GAA: variants seen among roughly 807,000 people sequenced by gnomAD.
GAA encodes lysosomal alpha-glucosidase.
In GAA, 88 loss-of-function variants were observed where a neutral mutation model predicts 103.9. The ratio of observed to expected loss-of-function variants is 0.85; its 90% CI spans 0.71 to 1.01. The LOEUF is 1.01. Ranked by LOEUF, GAA falls within the 50% of genes least tolerant of loss-of-function variation. The pLI, the probability that GAA is intolerant of heterozygous loss-of-function variation, is 0.00. For missense variants in GAA, 1,350 were observed against 1,305.3 expected (o/e 1.03, Z -0.53); for synonymous variants, 572 against 563.1 (o/e 1.02, Z -0.22).
chr17:80,118,582 G>A (rs4889821), intron 18 of GAA, 71 bp from the exon 19 acceptor site: 4 of 1,573,778 alleles, frequency 2.5e-6, no homozygotes, highest in Admixed American at 1.7e-5. Flanking sequence ...GTTCTCATGG[G>A]TGTTCCTGCC....
intron 15 of GAA, among the ~76,000 whole-genome samples, chr17:80,113,967 G>A (rs1205212066): frequency 2.2e-4 from 33 of 150,670 alleles, no homozygotes; most frequent in Admixed American, 2.2e-3. Flanking sequence ...GCAGTGAGCC[G>A]AGATCGCGCC....
At chr17:80,112,552 C>T in intron 12 of GAA, 26 bp from the exon 13 acceptor site, 1 of 1,612,750 alleles carries the variant, frequency 6.2e-7, no homozygotes, top group Non-Finnish European at 8.5e-7. Context: ...TCCACACAGC[C>T]CTCACGGTGT....
At position 80,112,929 on chromosome 17, in the gene GAA, G is replaced by T; in HGVS notation, c.1942G>T (p.Gly648Cys). 1 of 1,610,602 alleles carries T rather than the reference G, an allele frequency of 6.2e-7. No homozygotes were observed. The highest frequency in any genetic ancestry group is 8.5e-7 in the Non-Finnish European group (1 of 1,178,964). Reference protein sequence around the residue: ...GVPLVGADVCGFLGNTSEELC... With the variant: ...GVPLVGADVCCFLGNTSEELC... ...GCCTCTGGTCGGGGCCGACGTCTGC[G>T]GCTTCCTGGGCAACACCTCAGAGGA... is the stretch of plus-strand genomic sequence containing the variant. Residue 648 changes from glycine to cysteine, a missense_variant, in exon 14 of 20, where the codon GGC becomes TGC. Coordinates refer to ENST00000302262, the MANE Select transcript of GAA (RefSeq NM_000152.5).
chr17:80,119,528 CT>C lies in GAA; in HGVS notation c.*200del, dbSNP rs371747706. ...CTGGCCCCCAACGTGTCTAGGAGAG[CT>C]TTCTCCCTAGATCGCACTGTGGGCC... On this transcript the variant is annotated 3_prime_UTR_variant, in exon 20 of 20. Coordinates refer to ENST00000302262, the MANE Select transcript of GAA (RefSeq NM_000152.5). 115 of 625,554 alleles carry C rather than the reference CT, an allele frequency of 1.8e-4. No individual in the cohort carries two copies. In the African/African-American group the frequency reaches 1.9e-3, roughly 11 times the overall value. 38.8% of individuals were successfully genotyped at this position (625,554 alleles called of 1,614,324 possible). A position where few individuals can be genotyped will look rare whatever the true frequency, so the allele number is the denominator to read the frequency against.
chr17:80,113,516 G>T, intron 15 of GAA, 150 bp downstream of exon 15: 1 of 726,734 alleles, frequency 1.4e-6, no homozygotes, highest in Non-Finnish European at 2.2e-6. Context: ...GGCTTAAGGG[G>T]GAAGGGCAGC....
At position 80,118,636 on chromosome 17, in the gene GAA, C is replaced by T; in HGVS notation, c.2647-17C>T. 6.2e-7 allele frequency: 1 copy of T among 1,611,310 alleles called. No homozygotes were observed. The highest frequency in any genetic ancestry group is 1.7e-5 in the Admixed American group (1 of 60,030). On this transcript the variant is annotated splice_polypyrimidine_tract_variant and intron_variant, in intron 18 of 19. Coordinates refer to ENST00000302262, the MANE Select transcript of GAA (RefSeq NM_000152.5). ...CTCCACATTCTCTGCCTTTTCATCTCTCTCTGCTCGGCCCAGAACACGATC... is the reference window on the plus strand; with the variant it reads ...CTCCACATTCTCTGCCTTTTCATCTTTCTCTGCTCGGCCCAGAACACGATC...
Position 80,104,502 on chromosome 17 carries a change from C to A in GAA, c.-32-53C>A. 1 of 1,333,578 alleles carries A rather than the reference C, an allele frequency of 7.5e-7. No individual in the cohort carries two copies. Among genetic ancestry groups the A allele is most frequent in the Non-Finnish European group, 1.0e-6 (1 of 983,170 alleles). The allele number at this position is 1,333,578 out of a possible 1,614,324, so 82.6% of individuals were successfully genotyped here. A position where few individuals can be genotyped will look rare whatever the true frequency, so the allele number is the denominator to read the frequency against. ...TGTCTCAGAGCTGCTTTGAGAGCCC[C>A]GTGAGTGCCGCCCCTCCCGCCTCCC... On this transcript the variant is annotated intron_variant, in intron 1 of 19. Transcript: ENST00000302262. The surrounding 1 kb of genome is among the most constrained non-coding windows in gnomAD (Gnocchi z 4.0).
At position 80,109,589 on chromosome 17, in the gene GAA, G is replaced by T. The variant is rs6565640; in HGVS notation, c.1327-356G>T. Among the ~76,000 whole-genome samples, 109,586 of 152,180 alleles carry T rather than the reference G, an allele frequency of 0.72. 39,766 individuals are homozygous for T. Among genetic ancestry groups the T allele is most frequent in the Middle Eastern group, 0.86 (253 of 294 alleles). On this transcript the variant is annotated intron_variant, in intron 8 of 19. Transcript: ENST00000302262. Reference sequence around the variant, plus strand: ...CCCTGCCTTCTGCAGGCAGCAAACAGTAGTAGCCCTTAAGAGCAGGAGTGG... The same window carrying T: ...CCCTGCCTTCTGCAGGCAGCAAACATTAGTAGCCCTTAAGAGCAGGAGTGG...
At chr17:80,111,510 C>T (rs924888568) in intron 11 of GAA, among the ~76,000 whole-genome samples, 6 of 152,156 alleles carry the variant, frequency 3.9e-5, no homozygotes, top group Non-Finnish European at 5.9e-5. Context: ...GACCAGACAT[C>T]GCCTGAGGGG....
In GAA at chr17:80,110,715, C is replaced by T. The variant is rs1177064482; in HGVS notation, c.1438-12C>T. ...GGGCCGGGTCTCCCCACTGCAGCCT[C>T]TCGTTGTCCAGGTATGGCCCGGGTC... is the stretch of plus-strand genomic sequence containing the variant. On this transcript the variant is annotated splice_polypyrimidine_tract_variant and intron_variant, in intron 9 of 19. Coordinates refer to ENST00000302262, the MANE Select transcript of GAA (RefSeq NM_000152.5). 1.2e-6 allele frequency: 2 copies of T among 1,613,080 alleles called. No homozygotes were observed. The highest frequency in any genetic ancestry group is 1.7e-6 in the Non-Finnish European group (2 of 1,179,424).
At chr17:80,116,436 G>T (rs376743409) in intron 15 of GAA, among the ~76,000 whole-genome samples, 4 of 152,204 alleles carry the variant, frequency 2.6e-5, no homozygotes, top group Admixed American at 6.5e-5. Flanking sequence ...CTGCACGTCC[G>T]GGGGCAGGAA....
chr17:80,117,477 C>T, intron 16 of GAA, 123 bp from the exon 17 acceptor site: 1 of 1,155,766 alleles, frequency 8.7e-7, no homozygotes, highest in Non-Finnish European at 1.3e-6. Flanking sequence ...CACAGTTCAG[C>T]CCGTCTGTGC....
Position 80,117,628 on chromosome 17 carries a change from C to T in GAA, c.2360C>T (p.Pro787Leu). Reference protein sequence around the residue: ...TVPVEALGSLPPPPAAPREPA... With the variant: ...TVPVEALGSLLPPPAAPREPA... ...CCAGTAGAGGCCCTTGGCAGCCTCC[C>T]ACCCCCACCTGCAGCTCCCCGTGAG... Residue 787 changes from proline (P) to leucine (L), a missense_variant, in exon 17 of 20, where the codon CCA becomes CTA. Coordinates refer to ENST00000302262, the MANE Select transcript of GAA (RefSeq NM_000152.5). The T allele has an allele frequency of 6.2e-7, 1 of 1,612,838 alleles. No homozygotes were observed. Among genetic ancestry groups the T allele is most frequent in the Non-Finnish European group, 8.5e-7 (1 of 1,179,918 alleles).
intron 5 of GAA, 118 bp downstream of exon 5, chr17:80,108,014 A>G (rs1438319669): frequency 9.0e-7 from 1 of 1,108,616 alleles, no homozygotes; most frequent in Non-Finnish European, 1.3e-6. Flanking sequence ...TTTTCTGGGA[A>G]ATGAGTCCTA....
At chr17:80,105,955 G>A in intron 3 of GAA, 61 bp downstream of exon 3, 1 of 1,539,164 alleles carries the variant, frequency 6.5e-7, no homozygotes. Flanking sequence ...TCACACGGCA[G>A]GGAGGGCCAC....
chr17:80,111,008 A>G lies in GAA; in HGVS notation c.1619A>G (p.Asn540Ser), dbSNP rs2039224662. ...GGCTGCCCCAACAATGAGCTGGAGA[A>G]CCCACCCTACGTGCCTGGTCAGCTC... The part of the protein sequence containing the change: ...EDGCPNNELE[N>S]PPYVPGVVGG... The change falls in exon 11 of 20, where the codon AAC becomes AGC. Residue 540 changes from asparagine to serine, a missense_variant. Asn to Ser is a conservative substitution (Grantham distance 46). Transcript: ENST00000302262. The G allele has an allele frequency of 1.2e-5, 20 of 1,613,820 alleles. No individual in the cohort carries two copies. Among genetic ancestry groups the G allele is most frequent in the Non-Finnish European group, 1.7e-5 (20 of 1,179,998 alleles).
Position 80,109,967 on chromosome 17 carries a change from G to T in GAA, c.1349G>T (p.Gly450Val), listed in dbSNP as rs2039191018. ...CAGGATCCTGCCATCAGCAGCTCGG[G>T]CCCTGCCGGGAGCTACAGGCCCTAC... is the stretch of plus-strand genomic sequence containing the variant. Reference protein sequence around the residue: ...MIVDPAISSSGPAGSYRPYDE... With the variant: ...MIVDPAISSSVPAGSYRPYDE... Residue 450 changes from glycine (G) to valine (V), a missense_variant, in exon 9 of 20, where the codon GGC (glycine) becomes GTC (valine). Gly to Val is a moderately radical substitution (Grantham distance 109, BLOSUM62 -3). Coordinates refer to ENST00000302262, the MANE Select transcript of GAA (RefSeq NM_000152.5). 6.2e-7 allele frequency: 1 copy of T among 1,613,352 alleles called. No homozygotes were observed. Among genetic ancestry groups the T allele is most frequent in the Non-Finnish European group, 8.5e-7 (1 of 1,179,908 alleles).
chr17:80,113,060 G>T, intron 14 of GAA, 33 bp downstream of exon 14: 1 of 1,589,764 alleles, frequency 6.3e-7, no homozygotes, highest in Non-Finnish European at 8.5e-7. Flanking sequence ...GCAGGTGGGC[G>T]ATCCCACCCA....
intron 11 of GAA, among the ~76,000 whole-genome samples, chr17:80,111,243 G>A (rs762885662): frequency 1.6e-4 from 25 of 152,182 alleles, no homozygotes; most frequent in African/African-American, 3.9e-4. Context: ...AGGAGACGCC[G>A]CTCACAGGTG....
Sources: allele counts gnomAD v4.1 joint callset (sites outside exome capture counted in the v4.1 genomes callset), GRCh38; gene constraint gnomAD v4.1.1; non-coding constraint Gnocchi (gnomAD v3.1); transcripts MANE v1.5; gene names NCBI Gene and HGNC (gene_info 2026-07-23, HGNC 2026-07-21).